FRMPD3: variants seen among roughly 807,000 people sequenced by gnomAD.
FRMPD3 encodes the protein FERM and PDZ domain-containing protein 3.
Under a neutral mutation model 97.9 loss-of-function variants are expected in FRMPD3, and 42 were observed. The observed-to-expected ratio is 0.43, with a 90% CI of 0.34 to 0.55. The LOEUF (loss-of-function observed/expected upper bound fraction) is 0.55. Ranked by LOEUF, FRMPD3 falls within the 20% of genes least tolerant of loss-of-function variation. The probability of loss-of-function intolerance (pLI) is 0.03; values close to 1 mark genes in which losing one functional copy is unlikely to be tolerated. For synonymous variants in FRMPD3, 577 were observed against 581.1 expected (o/e 0.99, Z 0.10); for missense variants, 1,303 against 1,457.7 (o/e 0.89, Z 1.73).
rs766110930 is a variant in FRMPD3, at chrX:107,554,499, A to G, written c.757A>G (p.Ile253Val). Residue 253 changes from isoleucine (I) to valine (V), a missense_variant, in exon 8 of 15, where the codon ATC (isoleucine) becomes GTC (valine). Around this residue, in one of 3 missense-constraint regions of FRMPD3, gnomAD observed 535 missense variants for 618.6 expected, o/e 0.86. Coordinates refer to ENST00000683843, the MANE Select transcript of FRMPD3 (RefSeq NM_001388459.1). ...RDPAAFEYLYIQSRNDVIRER... is the reference protein window; with the variant it reads ...RDPAAFEYLYVQSRNDVIRER... ...TCCTGCTGCTTTTGAGTACCTATAC[A>G]TCCAGGTAGAGTCTGGCTTGGGGAT... The G allele has an allele frequency of 8.3e-7, 1 of 1,206,844 alleles. No individual in the cohort carries two copies. The highest frequency in any genetic ancestry group is 1.1e-6 in the Non-Finnish European group (1 of 893,326).
rs753053143 is a variant in FRMPD3, at chrX:107,600,754, C to T, written c.2715C>T (p.His905=). The T allele has an allele frequency of 9.1e-6, 11 of 1,203,402 alleles. No individual in the cohort carries two copies. In the East Asian group the frequency reaches 3.3e-4, roughly 36 times the overall value. The change falls in exon 15 of 15, where the codon CAC becomes CAT. Residue 905 remains histidine, a synonymous_variant. Transcript: ENST00000683843. ...TTCCTGAGGACAAAGGGCCTGGCCA[C>T]ACTAGGGCAGGCCTAGAAATGTCAC... ...SPVPEDKGPG[H]TRAGLEMSLR...
At chrX:107,517,759 G>GA (rs1322646104) in intron 1 of FRMPD3, among the ~76,000 whole-genome samples, 1,948 of 73,119 alleles carry the variant, frequency 0.027, 64 homozygotes, top group African/African-American at 0.081. Context: ...GAAACTCTGG[G>GA]AAAAAAAAAA....
intron 1 of FRMPD3, among the ~76,000 whole-genome samples, chrX:107,524,076 G>T (rs887740949): frequency 1.8e-5 from 2 of 112,386 alleles, no homozygotes; most frequent in Non-Finnish European, 3.8e-5. Context: ...AAATGAGCTG[G>T]TGCCATCCCA....
In FRMPD3 at chrX:107,449,678, G is replaced by C. The variant is rs2147883178; in HGVS notation, c.-335G>C. On this transcript the variant is annotated 5_prime_UTR_variant, in exon 1 of 15. Transcript: ENST00000683843. ...CTCCTGGAGCGAGAGAGCGACGAGC[G>C]AGCCACGGCGATGGTGCCGCCCGCG... Among the ~76,000 whole-genome samples, 1 of 108,040 alleles carries C rather than the reference G, an allele frequency of 9.3e-6. No individual in the cohort carries two copies. Among genetic ancestry groups the C allele is most frequent in the South Asian group, 4.2e-4 (1 of 2,405 alleles). The allele number at this position is 108,040 out of a possible 115,157, so 93.8% of individuals were successfully genotyped here.
rs751419509 is a variant in FRMPD3, at chrX:107,601,463, AGCCACAGCCCCAGCTGCCAGCCTCATG to A, written c.3439_3465del (p.Cys1147_Ser1155del). ...GCAGAGCCCCAGCTGCCAGTCAAGA[AGCCACAGCCCCAGCTGCCAGCCTCATG>A]GCCACAGCCCCAGCAGCCAGTCTCG... On this transcript the variant is annotated inframe_deletion, in exon 15 of 15. Coordinates refer to ENST00000683843, the MANE Select transcript of FRMPD3 (RefSeq NM_001388459.1). 5.8e-5 allele frequency: 68 copies of A among 1,169,929 alleles called. No individual in the cohort carries two copies. In the African/African-American group the frequency reaches 1.2e-3, roughly 21 times the overall value.
intron 1 of FRMPD3, among the ~76,000 whole-genome samples, chrX:107,476,146 A>G (rs1336497724): frequency 8.9e-6 from 1 of 112,183 alleles, no homozygotes; most frequent in Admixed American, 9.4e-5. Flanking sequence ...CGGCCTCCCA[A>G]AGTGCTGGGA....
At chrX:107,477,977 C>T (rs184978416) in intron 1 of FRMPD3, among the ~76,000 whole-genome samples, 1 of 111,560 alleles carries the variant, frequency 9.0e-6, no homozygotes, top group East Asian at 2.8e-4. Context: ...CTTCAAGACC[C>T]ACCTAGATCC....
chrX:107,472,411 G>A (rs1423846698), intron 1 of FRMPD3, among the ~76,000 whole-genome samples: 2 of 111,215 alleles, frequency 1.8e-5, no homozygotes, highest in Non-Finnish European at 1.9e-5. Context: ...TTTCTTCTAC[G>A]GTTTTTATGA....
At chrX:107,545,156 G>C (rs1244653103) in intron 4 of FRMPD3, 1 of 111,998 alleles carries the variant, frequency 8.9e-6, no homozygotes, top group Non-Finnish European at 1.9e-5. Context: ...AAGTGGTGCA[G>C]AGCCCAAAAC....
chrX:107,584,181 G>T (rs770744240), intron 13 of FRMPD3, among the ~76,000 whole-genome samples: 22 of 110,578 alleles, frequency 2.0e-4, no homozygotes, highest in African/African-American at 4.6e-4. Context: ...TTTGTTTTTT[G>T]TTGTTGTTGT....
chrX:107,467,654 CT>C (rs907533107), intron 1 of FRMPD3, among the ~76,000 whole-genome samples: 2 of 110,965 alleles, frequency 1.8e-5, no homozygotes, highest in Non-Finnish European at 3.8e-5. Flanking sequence ...GTTTTTCCCC[CT>C]CTCTCACTAG....
chrX:107,561,846 C>T (rs1335300894), intron 10 of FRMPD3, among the ~76,000 whole-genome samples: 1 of 112,568 alleles, frequency 8.9e-6, no homozygotes, highest in Non-Finnish European at 1.9e-5. Context: ...GTGCTCACCA[C>T]CATCTCCTCA....
At chrX:107,481,952 G>A (rs1921385292) in intron 1 of FRMPD3, among the ~76,000 whole-genome samples, 2 of 111,231 alleles carry the variant, frequency 1.8e-5, no homozygotes, top group African/African-American at 6.6e-5. Context: ...TAAGTAAACC[G>A]AGACTCAGTG....
chrX:107,488,809 G>A (rs1448021688), intron 1 of FRMPD3, among the ~76,000 whole-genome samples: 9 of 110,977 alleles, frequency 8.1e-5, no homozygotes, highest in African/African-American at 3.0e-4. Context: ...TTTAAGTCCT[G>A]AATCAAGAAC....
At chrX:107,514,682 C>T (rs1349891936) in intron 1 of FRMPD3, among the ~76,000 whole-genome samples, 8 of 109,849 alleles carry the variant, frequency 7.3e-5, no homozygotes, top group East Asian at 2.8e-4. Context: ...CGTGCCACCA[C>T]GCTCAGCTAA....
intron 4 of FRMPD3, among the ~76,000 whole-genome samples, chrX:107,538,540 T>TAAAA (rs55749241): frequency 9.4e-5 from 6 of 63,769 alleles, no homozygotes; most frequent in African/African-American, 1.2e-4. Context: ...CTATATTTGT[T>TAAAA]AAAAAAAAAA....
At chrX:107,487,265 T>A (rs936459672) in intron 1 of FRMPD3, among the ~76,000 whole-genome samples, 7 of 110,260 alleles carry the variant, frequency 6.3e-5, no homozygotes, top group African/African-American at 2.0e-4. Context: ...AAAAAATTTT[T>A]AAAAAATGAA....
rs1275735960 is a variant in FRMPD3 at position 107,601,201 on chromosome X, G to T, written c.3162G>T (p.Leu1054=). Residue 1054 remains leucine (L), a synonymous_variant, in exon 15 of 15, where the codon CTG becomes CTT. Transcript: ENST00000683843. ...ACCTCTCCCAACAAGAGGACAGTCT[G>T]CCTGTTCAAAATTTCCCTCCCAAAA... The part of the protein sequence containing the change: ...SLHLSQQEDS[L]PVQNFPPKSY... 8.3e-7 allele frequency: 1 copy of T among 1,206,487 alleles called. No individual in the cohort carries two copies. The highest frequency in any genetic ancestry group is 1.1e-6 in the Non-Finnish European group (1 of 893,540).
At chrX:107,547,922 G>C (rs945240074) in intron 5 of FRMPD3, among the ~76,000 whole-genome samples, 2 of 111,689 alleles carry the variant, frequency 1.8e-5, no homozygotes, top group African/African-American at 6.5e-5. Context: ...CGCTGGGCCT[G>C]GCAGGAGCAA....
Sources: allele counts gnomAD v4.1 joint callset (sites outside exome capture counted in the v4.1 genomes callset), GRCh38; gene constraint gnomAD v4.1.1; regional missense constraint gnomAD v4.1.1; transcripts MANE v1.5; gene names NCBI Gene and HGNC (gene_info 2026-07-23, HGNC 2026-07-21).